The following PRICKLE2 variants were observed in gnomAD, a reference collection of about 807,000 sequenced individuals.
PRICKLE2 encodes the protein prickle planar cell polarity protein 2.
In PRICKLE2, 21 loss-of-function variants were observed where a neutral mutation model predicts 81.4. The ratio of observed to expected loss-of-function variants is 0.26; its 90% CI spans 0.18 to 0.37. The LOEUF is 0.37. Ranked by LOEUF, PRICKLE2 falls within the 10% of genes least tolerant of loss-of-function variation. PRICKLE2 has a pLI of 1.00. For synonymous variants in PRICKLE2, 456 were observed against 421.5 expected (o/e 1.08, Z -1.00); for missense variants, 940 against 1,109.0 (o/e 0.85, Z 2.16).
At chr3:64,181,292 C>T (rs1467801537) in intron 2 of PRICKLE2, among the ~76,000 whole-genome samples, 1 of 152,102 alleles carries the variant, frequency 6.6e-6, no homozygotes, top group African/African-American at 2.4e-5. Context: ...TTGTGAGAGA[C>T]AAGCACTCAG....
At chr3:64,156,134 TGAAG>T (rs1337346199) in intron 5 of PRICKLE2, among the ~76,000 whole-genome samples, 1 of 152,194 alleles carries the variant, frequency 6.6e-6, no homozygotes, top group Non-Finnish European at 1.5e-5. Context: ...AACTGAGGCA[TGAAG>T]GTCAAAAGGT....
At chr3:64,243,501 T>C (rs1368173377) in intron 2 of PRICKLE2, among the ~76,000 whole-genome samples, 1 of 152,152 alleles carries the variant, frequency 6.6e-6, no homozygotes, top group African/African-American at 2.4e-5. Flanking sequence ...TACTTTGGGG[T>C]TCATATAAGG....
intron 2 of PRICKLE2, among the ~76,000 whole-genome samples, chr3:64,180,722 G>A (rs551454155): frequency 6.6e-6 from 1 of 151,998 alleles, no homozygotes; most frequent in Non-Finnish European, 1.5e-5. Flanking sequence ...TAGTAGAGAC[G>A]GGGTTTCACC....
chr3:64,163,705 T>G (rs367871317), intron 2 of PRICKLE2: 1 of 165,670 alleles, frequency 6.0e-6, no homozygotes, highest in East Asian at 1.6e-4. Flanking sequence ...AATTAAAAAT[T>G]GTCACTAACA....
chr3:64,247,129 GA>G (rs1358618968), intron 2 of PRICKLE2, among the ~76,000 whole-genome samples: 2 of 152,154 alleles, frequency 1.3e-5, no homozygotes, highest in Non-Finnish European at 2.9e-5. Flanking sequence ...GCTGCCCCTA[GA>G]ATCTAGGGTT....
Position 64,097,977 on chromosome 3 carries a change from T to C in PRICKLE2, c.*1074A>G, listed in dbSNP as rs2076595245. On this transcript the variant is annotated 3_prime_UTR_variant, in exon 8 of 8. Transcript: ENST00000638394. ...AATCCTTCTGTCCCTCAATCCCAAA[T>C]GCTTAAGTTCATTTGCTTTGAGGAC... 1 of 152,632 alleles carries C rather than the reference T, an allele frequency of 6.6e-6. No individual in the cohort carries two copies. Among genetic ancestry groups the C allele is most frequent in the African/African-American group, 2.4e-5 (1 of 41,446 alleles). 9.5% of individuals were successfully genotyped at this position (152,632 alleles called of 1,614,324 possible).
At chr3:64,145,284 A>T (rs1272070515) in intron 7 of PRICKLE2, 3 of 146,638 alleles carry the variant, frequency 2.0e-5, no homozygotes, top group Non-Finnish European at 4.5e-5. Context: ...ATATATATAT[A>T]ATATATTTGT....
At position 64,159,993 on chromosome 3, in the gene PRICKLE2, G is replaced by A. The variant is rs752616529; in HGVS notation, c.343C>T (p.Arg115Cys). 5 of 1,614,098 alleles carry A rather than the reference G, an allele frequency of 3.1e-6. No homozygotes were observed. The Admixed American group carries it at 5.0e-5, about 16-fold the overall frequency. Residue 115 changes from arginine (R) to cysteine (C), a missense_variant, in exon 4 of 8, where the codon CGC (arginine) becomes TGC (cysteine). Physicochemically the swap from Arg to Cys is radical, Grantham distance 180. Transcript: ENST00000638394. Reference sequence around the variant, plus strand: ...ACTGGGAAAGGCCTGACATTCCCGCGGCCCAAGTTTTCGCGTTTCCTCTGG... The same window carrying A: ...ACTGGGAAAGGCCTGACATTCCCGCAGCCCAAGTTTTCGCGTTTCCTCTGG... Reference protein sequence around the residue: ...SSQRKRENLGRGNVRPFPVTM... With the variant: ...SSQRKRENLGCGNVRPFPVTM...
chr3:64,125,670 C>T (rs547544032), intron 7 of PRICKLE2, among the ~76,000 whole-genome samples: 2 of 152,306 alleles, frequency 1.3e-5, no homozygotes, highest in Admixed American at 1.3e-4. Flanking sequence ...ACTTTTTAGA[C>T]AGAATAGTAT....
chr3:64,154,195 G>C (rs1283588147), intron 5 of PRICKLE2: 2 of 152,186 alleles, frequency 1.3e-5, no homozygotes, highest in Non-Finnish European at 2.9e-5. Flanking sequence ...GACAACAGGA[G>C]AGCCTCATGT....
At chr3:64,214,730 T>C (rs974637913) in intron 1 of PRICKLE2, among the ~76,000 whole-genome samples, 13 of 152,186 alleles carry the variant, frequency 8.5e-5, no homozygotes, top group Non-Finnish European at 1.5e-4. Flanking sequence ...TTAAAAAATT[T>C]GTTTTACTCC....
intron 2 of PRICKLE2, among the ~76,000 whole-genome samples, chr3:64,240,498 C>T (rs547335332): frequency 1.1e-4 from 17 of 152,258 alleles, no homozygotes; most frequent in African/African-American, 4.1e-4. Context: ...GCAGGACTCC[C>T]GGGATCCACA....
intron 7 of PRICKLE2, chr3:64,100,985 C>T (rs1277319807): frequency 6.6e-6 from 1 of 152,226 alleles, no homozygotes; most frequent in Non-Finnish European, 1.5e-5. Context: ...CCTACTGGGG[C>T]CTCCAACTTC....
intron 4 of PRICKLE2, among the ~76,000 whole-genome samples, chr3:64,158,990 GT>G (rs1355633718): frequency 1.3e-5 from 2 of 152,216 alleles, no homozygotes; most frequent in African/African-American, 4.8e-5. Flanking sequence ...TCAAAAAGCT[GT>G]AGGACTTAGA....
chr3:64,190,917 A>C (rs2078321121), intron 2 of PRICKLE2, among the ~76,000 whole-genome samples: 1 of 152,162 alleles, frequency 6.6e-6, no homozygotes, highest in Non-Finnish European at 1.5e-5. Context: ...CTCAGGCACC[A>C]AGGAAGGTGG....
chr3:64,110,941 G>C (rs1007920400), intron 7 of PRICKLE2, among the ~76,000 whole-genome samples: 36 of 117,170 alleles, frequency 3.1e-4, no homozygotes, highest in African/African-American at 1.2e-3. Flanking sequence ...CAGCCTGGGA[G>C]ACAGACAGAC....
chr3:64,238,108 T>C (rs771545935), intron 2 of PRICKLE2, among the ~76,000 whole-genome samples: 13 of 152,108 alleles, frequency 8.5e-5, no homozygotes, highest in Non-Finnish European at 1.6e-4. Flanking sequence ...GTCCAAACTA[T>C]AAGAAGCAGG....
intron 1 of PRICKLE2, among the ~76,000 whole-genome samples, chr3:64,208,636 T>C (rs989883637): frequency 3.9e-5 from 6 of 152,220 alleles, no homozygotes; most frequent in African/African-American, 1.4e-4. Flanking sequence ...AGAGCAGCTA[T>C]GTTCTACTGT....
intron 7 of PRICKLE2, chr3:64,100,280 CT>C: frequency 3.4e-6 from 1 of 295,386 alleles, no homozygotes; most frequent in South Asian, 4.2e-5. Context: ...ATTTTTGATT[CT>C]AATCATGCAC....
Sources: gnomAD v4.1 joint callset for allele counts (sites outside exome capture counted in the v4.1 genomes callset) on GRCh38, gnomAD v4.1.1 for gene constraint, MANE v1.5 for transcripts, NCBI Gene and HGNC (gene_info 2026-07-23, HGNC 2026-07-21) for gene names.